The following NTM variants were observed in gnomAD, a reference collection of about 807,000 sequenced individuals.
NTM encodes neurotrimin.
Under a neutral mutation model 42.1 loss-of-function variants are expected in NTM, and 13 were observed. The ratio of observed to expected loss-of-function variants is 0.31; its 90% CI spans 0.20 to 0.49. The LOEUF (loss-of-function observed/expected upper bound fraction) is 0.49, where lower values mean the gene tolerates loss of function less well. Ranked by LOEUF, NTM falls within the 20% of genes least tolerant of loss-of-function variation. NTM has a pLI of 0.99. For synonymous variants in NTM, 187 were observed against 179.2 expected (o/e 1.04, Z -0.35); for missense variants, 373 against 452.8 (o/e 0.82, Z 1.60).
chr11:132,244,448 A>G (rs984824290), intron 4 of NTM, among the ~76,000 whole-genome samples: 1 of 152,252 alleles, frequency 6.6e-6, no homozygotes, highest in African/African-American at 2.4e-5. Flanking sequence ...TGATTCATCA[A>G]TTCTGGGATT....
intron 1 of NTM, among the ~76,000 whole-genome samples, chr11:131,556,394 A>T (rs892151799): frequency 6.6e-6 from 1 of 152,244 alleles, no homozygotes; most frequent in African/African-American, 2.4e-5. Flanking sequence ...GCTTCAGGTT[A>T]CACTTTTACT....
intron 1 of NTM, among the ~76,000 whole-genome samples, chr11:131,636,061 T>C (rs2064332790): frequency 6.6e-6 from 1 of 152,284 alleles, no homozygotes; most frequent in East Asian, 1.9e-4. Context: ...GGCCATAGGA[T>C]GCATTTGTTA....
chr11:132,254,221 A>G (rs1486749959), intron 4 of NTM, among the ~76,000 whole-genome samples: 1 of 151,940 alleles, frequency 6.6e-6, no homozygotes, highest in Non-Finnish European at 1.5e-5. Context: ...GACAGACCTT[A>G]TCTCCTGCCT....
intron 1 of NTM, among the ~76,000 whole-genome samples, chr11:131,392,626 G>A (rs1338689008): frequency 6.6e-6 from 1 of 152,190 alleles, no homozygotes; most frequent in Admixed American, 6.5e-5. Flanking sequence ...GAGAGGGCAG[G>A]AGGAGTTGAT....
At chr11:131,526,461 A>C (rs1439215737) in intron 1 of NTM, among the ~76,000 whole-genome samples, 1 of 152,214 alleles carries the variant, frequency 6.6e-6, no homozygotes. Context: ...AATTAAGAGA[A>C]GGTAAAGGAA....
chr11:132,027,877 C>G (rs1255851307), intron 2 of NTM, among the ~76,000 whole-genome samples: 1 of 152,154 alleles, frequency 6.6e-6, no homozygotes, highest in African/African-American at 2.4e-5. Flanking sequence ...ATGTATATTA[C>G]ACTTCCTTTT....
chr11:132,104,937 G>GTGTGTATATATATA (rs1169190929), intron 2 of NTM, among the ~76,000 whole-genome samples: 6 of 61,822 alleles, frequency 9.7e-5, no homozygotes, highest in Admixed American at 2.4e-4. Context: ...ATATACATAT[G>GTGTGTATATATATA]TATATATATA....
chr11:131,531,229 G>C (rs1318417315), intron 1 of NTM, among the ~76,000 whole-genome samples: 1 of 152,148 alleles, frequency 6.6e-6, no homozygotes. Context: ...TTGATCTCCT[G>C]AGCTCAAGTG....
intron 2 of NTM, among the ~76,000 whole-genome samples, chr11:132,082,636 T>C (rs1357351232): frequency 6.6e-6 from 1 of 152,162 alleles, no homozygotes; most frequent in Non-Finnish European, 1.5e-5. Flanking sequence ...GTCTCCTCCC[T>C]CTATGATTCC....
At position 131,610,767 on chromosome 11, in the gene NTM, A is replaced by G. The variant is rs146718134; in HGVS notation, c.82+239879A>G. On this transcript the variant is annotated intron_variant, in intron 1 of 8. Coordinates refer to ENST00000683400, the MANE Select transcript of NTM (RefSeq NM_001352005.2). ...GCGTGAGTAGTAGCATGAGATGAGGATGCTTGAGTTGGTGGGAGTGAAACA... is the reference window on the plus strand; with the variant it reads ...GCGTGAGTAGTAGCATGAGATGAGGGTGCTTGAGTTGGTGGGAGTGAAACA... Among the ~76,000 whole-genome samples the G allele has an allele frequency of 9.3e-3, 1,413 of 152,208 alleles. 31 individuals are homozygous for G. Among genetic ancestry groups the G allele is most frequent in the African/African-American group, 0.033 (1,356 of 41,512 alleles).
intron 1 of NTM, among the ~76,000 whole-genome samples, chr11:131,838,131 T>C (rs2043749313): frequency 6.6e-6 from 1 of 152,164 alleles, no homozygotes; most frequent in African/African-American, 2.4e-5. Flanking sequence ...TATTTATTTA[T>C]TTTTACATCA....
intron 4 of NTM, among the ~76,000 whole-genome samples, chr11:132,238,177 C>T (rs974599049): frequency 6.6e-5 from 10 of 151,978 alleles, no homozygotes. Context: ...CCTTAATCGG[C>T]GAGGATGGGA....
At chr11:131,918,824 A>G (rs754678622) in intron 2 of NTM, among the ~76,000 whole-genome samples, 5 of 152,226 alleles carry the variant, frequency 3.3e-5, no homozygotes, top group Admixed American at 2.6e-4. Context: ...CAGGGACCCA[A>G]CCGACCTCTA....
At chr11:131,797,407 A>G (rs2091686412) in intron 1 of NTM, among the ~76,000 whole-genome samples, 1 of 152,218 alleles carries the variant, frequency 6.6e-6, no homozygotes, top group Non-Finnish European at 1.5e-5. Context: ...AATGGAAATG[A>G]AGACACTGGG....
chr11:131,670,545 C>A (rs2324512), intron 1 of NTM, among the ~76,000 whole-genome samples: 2 of 152,150 alleles, frequency 1.3e-5, no homozygotes, highest in African/African-American at 4.8e-5. Flanking sequence ...TGGAGCTGGG[C>A]CTTCTCTGCC....
intron 2 of NTM, among the ~76,000 whole-genome samples, chr11:131,949,657 G>C (rs2060763279): frequency 6.6e-6 from 1 of 152,168 alleles, no homozygotes; most frequent in African/African-American, 2.4e-5. Flanking sequence ...CACATTCCCA[G>C]GGTCTCCAAG....
chr11:131,709,740 TA>T (rs1350787142), intron 1 of NTM, among the ~76,000 whole-genome samples: 2 of 152,156 alleles, frequency 1.3e-5, no homozygotes, highest in African/African-American at 4.8e-5. Flanking sequence ...AAACAGTGTT[TA>T]AAGCCATAAA....
intron 4 of NTM, among the ~76,000 whole-genome samples, chr11:132,275,094 C>A (rs1027169770): frequency 6.6e-6 from 1 of 151,990 alleles, no homozygotes; most frequent in African/African-American, 2.4e-5. Flanking sequence ...AGTTTTATGG[C>A]AAGTCTAAAG....
chr11:131,914,269 AG>A (rs2055874797), intron 2 of NTM, among the ~76,000 whole-genome samples: 1 of 152,152 alleles, frequency 6.6e-6, no homozygotes, highest in Admixed American at 6.5e-5. Context: ...AGGGGGACAG[AG>A]GACCCTTCCT....
Sources: allele counts gnomAD v4.1 joint callset (sites outside exome capture counted in the v4.1 genomes callset), GRCh38; gene constraint gnomAD v4.1.1; transcripts MANE v1.5; gene names NCBI Gene and HGNC (gene_info 2026-07-23, HGNC 2026-07-21).